Variants in TMEM123 observed in about 807,000 individuals in gnomAD.
TMEM123 encodes porimin.
Under a neutral mutation model 19.7 loss-of-function variants are expected in TMEM123, and 16 were observed. The ratio of observed to expected loss-of-function variants is 0.81; its 90% CI spans 0.55 to 1.23. The LOEUF (loss-of-function observed/expected upper bound fraction) is 1.23. Ranked by LOEUF, TMEM123 falls within the 50% of genes most tolerant of loss-of-function variation. TMEM123 has a pLI of 0.00. For synonymous variants in TMEM123, 118 were observed against 99.4 expected, an observed-to-expected ratio of 1.19 and a Z score of -1.12; for missense variants, 313 against 257.8, an observed-to-expected ratio of 1.21 and a Z score of -1.47.
chr11:102,441,562 A>G (rs941235526), intron 2 of TMEM123, among the ~76,000 whole-genome samples: 1 of 152,246 alleles, frequency 6.6e-6, no homozygotes, highest in Non-Finnish European at 1.5e-5. Context: ...AGGGAAATTT[A>G]TAGCACTAAA....
At chr11:102,401,511 TA>T in intron 4 of TMEM123, 27 bp downstream of exon 4, 1 of 1,528,754 alleles carries the variant, frequency 6.5e-7, no homozygotes, top group African/African-American at 1.4e-5. Flanking sequence ...CAATTTTTTT[TA>T]AAAAGTCCTG....
chr11:102,422,236 G>GGC (rs2135852847), intron 2 of TMEM123, among the ~76,000 whole-genome samples: 1 of 152,348 alleles, frequency 6.6e-6, no homozygotes. Flanking sequence ...CACAGTGGGA[G>GGC]GCCAAGGCAG....
intron 2 of TMEM123, among the ~76,000 whole-genome samples, chr11:102,447,665 C>G (rs1204886100): frequency 1.3e-5 from 2 of 152,150 alleles, no homozygotes; most frequent in African/African-American, 4.8e-5. Flanking sequence ...TTAACTAAGA[C>G]CCTCTCACAA....
intron 2 of TMEM123, among the ~76,000 whole-genome samples, chr11:102,409,843 T>G (rs375204838): frequency 6.7e-6 from 1 of 150,018 alleles, no homozygotes; most frequent in Admixed American, 6.6e-5. Flanking sequence ...CCAGCCTGGG[T>G]GACAGAGCAA....
chr11:102,403,826 C>T (rs1160653686), intron 2 of TMEM123, among the ~76,000 whole-genome samples: 3 of 152,084 alleles, frequency 2.0e-5, no homozygotes, highest in African/African-American at 7.2e-5. Context: ...AAATGAGTTC[C>T]CATGAAAGGG....
chr11:102,415,182 C>T (rs1952034478), intron 2 of TMEM123, among the ~76,000 whole-genome samples: 1 of 152,210 alleles, frequency 6.6e-6, no homozygotes, highest in African/African-American at 2.4e-5. Context: ...AACCCAGATT[C>T]ATAAAACAAG....
At chr11:102,425,583 C>CT (rs1167174586) in intron 2 of TMEM123, among the ~76,000 whole-genome samples, 6,990 of 107,896 alleles carry the variant, frequency 0.065, 231 homozygotes, top group Non-Finnish European at 0.088. Context: ...TTTCTTTTTT[C>CT]TTTTTTTTTT....
chr11:102,415,722 TAGAA>T (rs1304753107), intron 2 of TMEM123, among the ~76,000 whole-genome samples: 66 of 152,174 alleles, frequency 4.3e-4, no homozygotes, highest in Admixed American at 3.5e-3. Flanking sequence ...ATGAAAATGT[TAGAA>T]AGACCTCAAA....
intron 4 of TMEM123, among the ~76,000 whole-genome samples, chr11:102,399,710 C>T (rs749020001): frequency 3.3e-5 from 5 of 152,216 alleles, no homozygotes; most frequent in African/African-American, 7.2e-5. Context: ...TGGCTCACGC[C>T]TGTAATCCCA....
intron 2 of TMEM123, among the ~76,000 whole-genome samples, chr11:102,410,676 C>A (rs1695462622): frequency 6.6e-6 from 1 of 152,260 alleles, no homozygotes; most frequent in South Asian, 2.1e-4. Context: ...CCCTGTTAGG[C>A]TGACAGCTTG....
chr11:102,396,658 ATATTTTTTTGCATAACCATT>A lies in TMEM123; in HGVS notation c.*2189_*2208del, dbSNP rs1194982149. 1 of 152,202 alleles carries A rather than the reference ATATTTTTTTGCATAACCATT, an allele frequency of 6.6e-6. No individual in the cohort carries two copies. The highest frequency in any genetic ancestry group is 1.5e-5 in the Non-Finnish European group (1 of 68,040). 9.4% of individuals were successfully genotyped at this position (152,202 alleles called of 1,614,324 possible). ...CTTAAGAAATATGGTCCAAAGCAAAATATTTTTTTGCATAACCATTTCCCTCAATTTTTATAGATAACAAC... is the reference window on the plus strand; with the variant it reads ...CTTAAGAAATATGGTCCAAAGCAAAATCCCTCAATTTTTATAGATAACAAC... On this transcript the variant is annotated 3_prime_UTR_variant, in exon 5 of 5. Coordinates refer to ENST00000398136, the MANE Select transcript of TMEM123 (RefSeq NM_052932.3).
chr11:102,433,364 T>G (rs1402224270), intron 2 of TMEM123, among the ~76,000 whole-genome samples: 1 of 151,916 alleles, frequency 6.6e-6, no homozygotes, highest in Non-Finnish European at 1.5e-5. Context: ...ATTTTGGAAC[T>G]TTAAGGTTTA....
At chr11:102,448,295 A>G (rs1329686066) in intron 2 of TMEM123, 4 of 456,118 alleles carry the variant, frequency 8.8e-6, no homozygotes, top group Non-Finnish European at 1.3e-5. Flanking sequence ...TTTCCATGTT[A>G]GTGAACTCAG....
chr11:102,445,198 A>T (rs1362771418), intron 2 of TMEM123, among the ~76,000 whole-genome samples: 1 of 152,256 alleles, frequency 6.6e-6, no homozygotes, highest in Non-Finnish European at 1.5e-5. Context: ...TTTCAGACGC[A>T]ATCTCAAAAA....
rs536144661 is a variant in TMEM123, at chr11:102,452,431, G to T, written c.100+93C>A. ...CCGAGCGTTCGGCCAGACACACGCG[G>T]AACTTTCTGTACCAGAGCCCAACTT... On this transcript the variant is annotated intron_variant, in intron 1 of 4. Transcript: ENST00000398136. The T allele has an allele frequency of 1.2e-4, 131 of 1,130,922 alleles. No homozygotes were observed. The African/African-American group carries it at 2.0e-3, about 17-fold the overall frequency. 70.1% of individuals were successfully genotyped at this position (1,130,922 alleles called of 1,614,324 possible). A position where few individuals can be genotyped will look rare whatever the true frequency, so the allele number is the denominator to read the frequency against.
chr11:102,400,547 C>G (rs1028048125), intron 4 of TMEM123, among the ~76,000 whole-genome samples: 1 of 152,316 alleles, frequency 6.6e-6, no homozygotes, highest in South Asian at 2.1e-4. Flanking sequence ...TATTTATATA[C>G]ATTAACACTA....
chr11:102,449,725 A>C (rs1292411695), intron 1 of TMEM123, among the ~76,000 whole-genome samples: 2 of 152,260 alleles, frequency 1.3e-5, no homozygotes, highest in Non-Finnish European at 2.9e-5. Context: ...TCAACAGACT[A>C]CGTAGATGTA....
intron 2 of TMEM123, among the ~76,000 whole-genome samples, chr11:102,441,733 CA>C (rs781129811): frequency 0.013 from 1,641 of 129,560 alleles, 34 homozygotes; most frequent in African/African-American, 0.038. Context: ...AAAAACCCTT[CA>C]AAAAAAAAAA....
intron 2 of TMEM123, among the ~76,000 whole-genome samples, chr11:102,440,572 A>AT (rs1433870295): frequency 1.3e-5 from 2 of 152,204 alleles, no homozygotes; most frequent in African/African-American, 4.8e-5. Context: ...GAAAGGAACA[A>AT]CCGTACCAGC....
Sources: allele counts gnomAD v4.1 joint callset (sites outside exome capture counted in the v4.1 genomes callset), GRCh38; gene constraint gnomAD v4.1.1; transcripts MANE v1.5; gene names NCBI Gene and HGNC (gene_info 2026-07-23, HGNC 2026-07-21).